The following HACD2 variants were observed in gnomAD, a reference collection of about 807,000 sequenced individuals.
HACD2 encodes the protein very-long-chain (3R)-3-hydroxyacyl-CoA dehydratase 2.
Under a neutral mutation model 31.0 loss-of-function variants are expected in HACD2, and 15 were observed. The ratio of observed to expected loss-of-function variants is 0.48; its 90% CI spans 0.32 to 0.75. The LOEUF (loss-of-function observed/expected upper bound fraction) is 0.75. Ranked by LOEUF, HACD2 falls within the 30% of genes least tolerant of loss-of-function variation. The probability of loss-of-function intolerance (pLI) is 0.03; values close to 1 mark genes in which losing one functional copy is unlikely to be tolerated. For missense variants in HACD2, 283 were observed against 313.0 expected, an observed-to-expected ratio of 0.90 and a Z score of 0.72; for synonymous variants, 115 against 122.2, an observed-to-expected ratio of 0.94 and a Z score of 0.39.
Position 123,518,809 on chromosome 3 carries a change from A to C in HACD2, c.381+9577T>G, listed in dbSNP as rs551384706. On this transcript the variant is annotated intron_variant, in intron 4 of 6. Transcript: ENST00000383657. ...TCAGGAGTTCAAGACCAGCCTGGCC[A>C]ATATGGTGAAACCCCATCTCTACTA... Among the ~76,000 whole-genome samples, 35 of 152,216 alleles carry C rather than the reference A, an allele frequency of 2.3e-4. 1 individual carries two copies. The South Asian group carries it at 7.1e-3, about 31-fold the overall frequency.
intron 4 of HACD2, among the ~76,000 whole-genome samples, chr3:123,524,129 G>A (rs2056250321): frequency 6.6e-6 from 1 of 152,156 alleles, no homozygotes; most frequent in African/African-American, 2.4e-5. Context: ...AGTAAACTAA[G>A]TAGAAAAGTA....
At chr3:123,514,394 CTAAG>C (rs1294889751) in intron 4 of HACD2, among the ~76,000 whole-genome samples, 1 of 150,240 alleles carries the variant, frequency 6.7e-6, no homozygotes, top group African/African-American at 2.4e-5. Context: ...CAACTTTTCT[CTAAG>C]TTTGAAATTA....
In HACD2 at chr3:123,513,860, G is replaced by C. The variant is rs143355208; in HGVS notation, c.382-11179C>G. Among the ~76,000 whole-genome samples the C allele has an allele frequency of 3.1e-3, 477 of 152,266 alleles. 2 individuals are homozygous for C. The highest frequency in any genetic ancestry group is 0.011 in the African/African-American group (462 of 41,552). The stretch of plus-strand genomic sequence containing the variant: ...TGTATCAAGGCTGATTTCCCGATTT[G>C]GAGAGTTCTATGCAGGTGATATAGG... On this transcript the variant is annotated intron_variant, in intron 4 of 6. Transcript: ENST00000383657.
intron 4 of HACD2, among the ~76,000 whole-genome samples, chr3:123,516,587 C>T (rs1419315436): frequency 6.6e-6 from 1 of 152,148 alleles, no homozygotes; most frequent in Non-Finnish European, 1.5e-5. Flanking sequence ...AAAGTTCTTA[C>T]CATTACAACA....
At position 123,515,267 on chromosome 3, in the gene HACD2, T is replaced by C. The variant is rs9821116; in HGVS notation, c.382-12586A>G. On this transcript the variant is annotated intron_variant, in intron 4 of 6. Transcript: ENST00000383657. Reference sequence around the variant, plus strand: ...CTGCCTTAGCAGTTATCCCACTATATGGTGTTTGCTGTCTGCTGGATTCTG... The same window carrying C: ...CTGCCTTAGCAGTTATCCCACTATACGGTGTTTGCTGTCTGCTGGATTCTG... 5.3e-3 allele frequency among the ~76,000 whole-genome samples: 812 copies of C among 152,198 alleles called. 2 individuals are homozygous for C. Among genetic ancestry groups the C allele is most frequent in the African/African-American group, 0.019 (793 of 41,512 alleles).
At chr3:123,554,932 T>C (rs1452503155) in intron 3 of HACD2, among the ~76,000 whole-genome samples, 2 of 152,174 alleles carry the variant, frequency 1.3e-5, no homozygotes, top group Non-Finnish European at 2.9e-5. Context: ...TCAAATAACA[T>C]AGCAACAACT....
At chr3:123,497,445 G>A (rs572197345) in intron 6 of HACD2, among the ~76,000 whole-genome samples, 1 of 152,240 alleles carries the variant, frequency 6.6e-6, no homozygotes, top group Non-Finnish European at 1.5e-5. Flanking sequence ...TTCCCCTCTG[G>A]GGAGAGAACT....
chr3:123,564,439 A>G (rs1428856304), intron 3 of HACD2, among the ~76,000 whole-genome samples: 1 of 152,212 alleles, frequency 6.6e-6, no homozygotes, highest in African/African-American at 2.4e-5. Context: ...AGGATAAGGT[A>G]TTTCAGGAGG....
At position 123,494,835 on chromosome 3, in the gene HACD2, C is replaced by T; in HGVS notation, c.*53G>A. 8.5e-7 allele frequency: 1 copy of T among 1,177,062 alleles called. No homozygotes were observed. The highest frequency in any genetic ancestry group is 1.2e-6 in the Non-Finnish European group (1 of 812,944). The allele number at this position is 1,177,062 out of a possible 1,614,324, so 72.9% of individuals were successfully genotyped here. ...TATTGGGAACTCAAAAAATCTGCAG[C>T]ATTTTTTGATCATTGAAAAGTTTGT... On this transcript the variant is annotated 3_prime_UTR_variant, in exon 7 of 7. Transcript: ENST00000383657.
chr3:123,584,391 T>C (rs925719556), intron 1 of HACD2: 1 of 153,034 alleles, frequency 6.5e-6, no homozygotes, highest in African/African-American at 2.4e-5. Context: ...CTTTGAACGC[T>C]TTCCCAATAC....
intron 3 of HACD2, among the ~76,000 whole-genome samples, chr3:123,533,059 G>A (rs531168140): frequency 3.9e-5 from 6 of 152,174 alleles, no homozygotes; most frequent in East Asian, 3.9e-4. Flanking sequence ...AAACCTTCAC[G>A]CTAGATCTGA....
At chr3:123,543,521 A>G (rs1200004810) in intron 3 of HACD2, among the ~76,000 whole-genome samples, 1 of 152,246 alleles carries the variant, frequency 6.6e-6, no homozygotes, top group Non-Finnish European at 1.5e-5. Flanking sequence ...GGGGTGGGAA[A>G]GAGACTCACT....
At position 123,501,035 on chromosome 3, in the gene HACD2, G is replaced by A. The variant is rs904230771; in HGVS notation, c.504-342C>T. Among the ~76,000 whole-genome samples, 6 of 152,220 alleles carry A rather than the reference G, an allele frequency of 3.9e-5. No individual in the cohort carries two copies. The South Asian group carries it at 1.2e-3, about 32-fold the overall frequency. Reference sequence around the variant, plus strand: ...GAACTGAGTCATGGTTTATACTGACGGGTCCTGCCCTGTGGGTCTTGGGAT... The same window carrying A: ...GAACTGAGTCATGGTTTATACTGACAGGTCCTGCCCTGTGGGTCTTGGGAT... On this transcript the variant is annotated intron_variant, in intron 5 of 6. Transcript: ENST00000383657.
Position 123,494,914 on chromosome 3 carries a change from T to C in HACD2, c.739A>G (p.Thr247Ala), listed in dbSNP as rs1278703757. Residue 247 changes from threonine (T) to alanine (A), a missense_variant, in exon 7 of 7, where the codon ACT becomes GCT. Physicochemically the swap from Thr to Ala is moderately conservative, Grantham distance 58 (BLOSUM62 0). Transcript: ENST00000383657. ...TATTCAAATTTCTTGTGTTCTTCAG[T>C]ATGAGAAAGGATCTTTCTTCTCTGG... ...IHQRRKILSHTEEHKKFE is the reference protein window; with the variant it reads ...IHQRRKILSHAEEHKKFE 1 of 1,559,944 alleles carries C rather than the reference T, an allele frequency of 6.4e-7. No individual in the cohort carries two copies. The highest frequency in any genetic ancestry group is 2.4e-5 in the East Asian group (1 of 42,370).
rs2055775547 is a variant in HACD2 at position 123,492,395 on chromosome 3, AT to A, written c.*2492del. The A allele has an allele frequency of 6.6e-6, 1 of 152,236 alleles. No homozygotes were observed. The highest frequency in any genetic ancestry group is 6.5e-5 in the Admixed American group (1 of 15,282). 9.4% of individuals were successfully genotyped at this position (152,236 alleles called of 1,614,324 possible). On this transcript the variant is annotated 3_prime_UTR_variant, in exon 7 of 7. Coordinates refer to ENST00000383657, the MANE Select transcript of HACD2 (RefSeq NM_198402.5). Reference sequence around the variant, plus strand: ...TTCACACTTTATAAGAAGGTGTGACATTTGGTGGTGTGGTTGTTCTCAATTT... The same window carrying A: ...TTCACACTTTATAAGAAGGTGTGACATTGGTGGTGTGGTTGTTCTCAATTT...
intron 3 of HACD2, among the ~76,000 whole-genome samples, chr3:123,532,822 A>G (rs2056379891): frequency 8.8e-6 from 1 of 113,536 alleles, no homozygotes; most frequent in Non-Finnish European, 1.7e-5. Context: ...TGACAGAGTG[A>G]GACTCCGTCT....
At chr3:123,547,721 G>A (rs2056575752) in intron 3 of HACD2, among the ~76,000 whole-genome samples, 1 of 152,124 alleles carries the variant, frequency 6.6e-6, no homozygotes, top group African/African-American at 2.4e-5. Context: ...CATTACGTTA[G>A]ATTACATAGA....
intron 6 of HACD2, among the ~76,000 whole-genome samples, chr3:123,496,211 A>C (rs2055830748): frequency 6.6e-6 from 1 of 152,048 alleles, no homozygotes; most frequent in African/African-American, 2.4e-5. Context: ...TTTTGTAGAG[A>C]TGAGATCTCC....
intron 3 of HACD2, among the ~76,000 whole-genome samples, chr3:123,553,858 C>A (rs535072015): frequency 1.4e-3 from 207 of 151,998 alleles, no homozygotes; most frequent in African/African-American, 4.9e-3. Context: ...CCATGAAATG[C>A]TAACAAACTT....
Sources: allele counts gnomAD v4.1 joint callset (sites outside exome capture counted in the v4.1 genomes callset), GRCh38; gene constraint gnomAD v4.1.1; transcripts MANE v1.5; gene names NCBI Gene and HGNC (gene_info 2026-07-23, HGNC 2026-07-21).